Variants in TNPO3 observed in about 807,000 individuals in gnomAD.
TNPO3 encodes the protein transportin-3.
In TNPO3, 65 loss-of-function variants were observed where a neutral mutation model predicts 122.8. The ratio of observed to expected loss-of-function variants is 0.53; its 90% CI spans 0.43 to 0.65. The LOEUF is 0.65. TNPO3 is among the 30% of genes least tolerant of loss of function. The pLI is 0.00. For synonymous variants in TNPO3, 372 were observed against 411.2 expected (o/e 0.90, Z 1.15); for missense variants, 850 against 1,136.7 (o/e 0.75, Z 3.63).
chr7:129,018,958 A>G (rs1162829399), intron 1 of TNPO3, among the ~76,000 whole-genome samples: 3 of 152,176 alleles, frequency 2.0e-5, no homozygotes, highest in African/African-American at 7.2e-5. Flanking sequence ...ACCTCAGGTG[A>G]TCCCCCTGCC....
intron 21 of TNPO3, among the ~76,000 whole-genome samples, chr7:128,962,496 T>G (rs926962183): frequency 6.6e-6 from 1 of 151,812 alleles, no homozygotes; most frequent in African/African-American, 2.4e-5. Context: ...CAAAGTAGCA[T>G]GTTGAGGCAG....
chr7:128,979,260 C>T, intron 15 of TNPO3, 137 bp from the exon 16 acceptor site: 1 of 1,022,292 alleles, frequency 9.8e-7, no homozygotes, highest in Non-Finnish European at 1.4e-6. Context: ...ACATGGCCAG[C>T]ATGCTCAGGT....
At position 128,974,583 on chromosome 7, in the gene TNPO3, C is replaced by CT. The variant is rs563434349; in HGVS notation, c.2273+284dup. Among the ~76,000 whole-genome samples, 8 of 152,260 alleles carry CT rather than the reference C, an allele frequency of 5.3e-5. No individual in the cohort carries two copies. In the South Asian group the frequency reaches 1.7e-3, roughly 32 times the overall value. Reference sequence around the variant, plus strand: ...ACGAACAGTTAAAACCTACAGAGGACTGTAGAGATGATCTAGTCAAGTGTT... The same window carrying CT: ...ACGAACAGTTAAAACCTACAGAGGACTTGTAGAGATGATCTAGTCAAGTGTT... On this transcript the variant is annotated intron_variant, in intron 18 of 22. Coordinates refer to ENST00000265388, the MANE Select transcript of TNPO3 (RefSeq NM_012470.4).
chr7:128,975,742 G>C (rs1798985871), intron 17 of TNPO3, 77 bp downstream of exon 17: 1 of 857,276 alleles, frequency 1.2e-6, no homozygotes, highest in African/African-American at 1.7e-5. Context: ...CAGAATTAAA[G>C]ACATGGTAAA....
intron 20 of TNPO3, among the ~76,000 whole-genome samples, chr7:128,969,911 T>C (rs1475658290): frequency 6.6e-6 from 1 of 152,234 alleles, no homozygotes; most frequent in Non-Finnish European, 1.5e-5. Flanking sequence ...GCTTGATACT[T>C]ACTTCTGGTA....
chr7:128,976,321 G>C (rs1488905557), intron 16 of TNPO3, among the ~76,000 whole-genome samples: 1 of 152,200 alleles, frequency 6.6e-6, no homozygotes, highest in Non-Finnish European at 1.5e-5. Flanking sequence ...TGGGAAAACA[G>C]TATCAAACAC....
chr7:128,991,606 G>T (rs1385470417), intron 10 of TNPO3, among the ~76,000 whole-genome samples: 2 of 152,080 alleles, frequency 1.3e-5, no homozygotes, highest in Non-Finnish European at 2.9e-5. Context: ...AATTAATTTT[G>T]TAAGAATAAC....
chr7:128,979,442 T>C (rs745712529), intron 15 of TNPO3, among the ~76,000 whole-genome samples: 1 of 152,214 alleles, frequency 6.6e-6, no homozygotes, highest in Admixed American at 6.5e-5. Flanking sequence ...TAGGAAGAGA[T>C]GTTTAAAGAT....
intron 1 of TNPO3, chr7:129,029,859 A>G (rs1805705403): frequency 8.2e-6 from 1 of 122,644 alleles, no homozygotes; most frequent in Non-Finnish European, 1.9e-5. Flanking sequence ...CATCTCTACT[A>G]AAAAAAAAAC....
intron 1 of TNPO3, among the ~76,000 whole-genome samples, chr7:129,031,896 A>C (rs991258336): frequency 1.8e-4 from 27 of 152,172 alleles, no homozygotes; most frequent in Admixed American, 1.7e-3. Context: ...TATGTTGCCC[A>C]GATGGGTTTC....
At chr7:129,017,109 A>G (rs1803939314) in intron 2 of TNPO3, 53 bp from the exon 3 acceptor site, 1 of 1,461,168 alleles carries the variant, frequency 6.8e-7, no homozygotes. Context: ...ATAGGGTCAC[A>G]ATAAATATTA....
At chr7:128,967,824 A>G (rs1798074271) in intron 20 of TNPO3, among the ~76,000 whole-genome samples, 2 of 151,996 alleles carry the variant, frequency 1.3e-5, no homozygotes, top group Admixed American at 1.3e-4. Context: ...CGTGCAGTGC[A>G]CTGCAGCTTT....
chr7:128,975,972 C>G (rs142638005), intron 16 of TNPO3, 37 bp from the exon 17 acceptor site: 1 of 1,461,158 alleles, frequency 6.8e-7, no homozygotes, highest in East Asian at 2.3e-5. Context: ...AATGCTTCGT[C>G]CTTCAAAAAG....
At chr7:129,010,707 C>CAT (rs1186837639) in intron 4 of TNPO3, among the ~76,000 whole-genome samples, 1 of 152,146 alleles carries the variant, frequency 6.6e-6, no homozygotes, top group Non-Finnish European at 1.5e-5. Flanking sequence ...TATACTAAGA[C>CAT]ATAGCATCAA....
In TNPO3 at chr7:128,997,500, C is replaced by A. The variant is rs766028597; in HGVS notation, c.1047G>T (p.Leu349=). The change falls in exon 8 of 23, where the codon CTG becomes CTT. Residue 349 remains leucine, a synonymous_variant. Transcript: ENST00000265388. ...VEISFNFWYR[L]GEHLYKTNDE... ...CGTTAGTTTTGTACAAATGTTCCCCCAGTCGGTACCAAAAGTTAAATGAAA... is the reference window on the plus strand; with the variant it reads ...CGTTAGTTTTGTACAAATGTTCCCCAAGTCGGTACCAAAAGTTAAATGAAA... 4 of 1,613,968 alleles carry A rather than the reference C, an allele frequency of 2.5e-6. No individual in the cohort carries two copies. In the South Asian group the frequency reaches 3.3e-5, roughly 13 times the overall value.
Position 128,986,770 on chromosome 7 carries a change from G to GA in TNPO3, c.1648dup (p.Ser550PhefsTer27). ...AGCAGCTTCTGGAGACAACAGGAAG[G>GA]AATCGAGGGAGCGGGCAATCTCCAG... is the stretch of plus-strand genomic sequence containing the variant. On this transcript the variant is annotated frameshift_variant, in exon 12 of 23. Transcript: ENST00000265388. LOFTEE classifies it high-confidence loss of function. 1 of 1,614,038 alleles carries GA rather than the reference G, an allele frequency of 6.2e-7. No individual in the cohort carries two copies. The highest frequency in any genetic ancestry group is 2.2e-5 in the East Asian group (1 of 44,878).
At chr7:129,041,817 T>G (rs1807410681) in intron 1 of TNPO3, 1 of 843,164 alleles carries the variant, frequency 1.2e-6, no homozygotes, top group Admixed American at 6.2e-5. Flanking sequence ...TTTCAAAAGA[T>G]ATTTCCATGA....
intron 6 of TNPO3, 54 bp from the exon 7 acceptor site, chr7:129,000,621 T>C: frequency 6.6e-7 from 1 of 1,517,216 alleles, no homozygotes; most frequent in East Asian, 2.3e-5. Context: ...ATATTATAAG[T>C]ATATACAGGC....
intron 1 of TNPO3, among the ~76,000 whole-genome samples, chr7:129,032,092 G>C (rs1806023245): frequency 6.6e-6 from 1 of 151,912 alleles, no homozygotes; most frequent in East Asian, 1.9e-4. Flanking sequence ...CACATTAACA[G>C]AATGAAGAAG....
Sources: allele counts gnomAD v4.1 joint callset (sites outside exome capture counted in the v4.1 genomes callset), GRCh38; gene constraint gnomAD v4.1.1; transcripts MANE v1.5; gene names NCBI Gene and HGNC (gene_info 2026-07-23, HGNC 2026-07-21).